CCDC124: variants seen among roughly 807,000 people sequenced by gnomAD.
CCDC124 encodes the protein coiled-coil domain containing 124.
CCDC124 carries 9 observed loss-of-function variants against 19.8 expected under a neutral mutation model. The ratio of observed to expected loss-of-function variants is 0.45; its 90% confidence interval spans 0.27 to 0.79. The LOEUF (loss-of-function observed/expected upper bound fraction) is 0.79, where lower values mean the gene tolerates loss of function less well. CCDC124 is among the 30% of genes least tolerant of loss of function. The pLI is 0.14. For synonymous variants in CCDC124, 126 were observed against 131.3 expected (o/e 0.96, Z 0.27); for missense variants, 285 against 319.0 (o/e 0.89, Z 0.81).
chr19:17,937,627 G>A lies in CCDC124; in HGVS notation c.159+1048G>A, dbSNP rs573881768. On this transcript the variant is annotated intron_variant, in intron 2 of 4. Coordinates refer to ENST00000445755, the MANE Select transcript of CCDC124 (RefSeq NM_001136203.2). The stretch of plus-strand genomic sequence containing the variant: ...ACAGGACGCCCCCACAGCAAAGAAT[G>A]AGCCAGCCCCAGATGTCAGCAGTGC... Among the ~76,000 whole-genome samples, 4 of 152,206 alleles carry A rather than the reference G, an allele frequency of 2.6e-5. No individual in the cohort carries two copies. In the South Asian group the frequency reaches 6.2e-4, roughly 24 times the overall value.
At chr19:17,937,974 C>A (rs749209124) in intron 2 of CCDC124, among the ~76,000 whole-genome samples, 37 of 152,286 alleles carry the variant, frequency 2.4e-4, no homozygotes, top group Admixed American at 1.0e-3. Flanking sequence ...CTCAGGTGAT[C>A]CGCCTGCCTT....
At position 17,943,241 on chromosome 19, in the gene CCDC124, T is replaced by TCGGGGGGGGCCCCC; in HGVS notation, c.350-19_350-18insGGGGGGGGCCCCCC. 20 of 736,678 alleles carry TCGGGGGGGGCCCCC rather than the reference T, an allele frequency of 2.7e-5. No individual in the cohort carries two copies. Among genetic ancestry groups the TCGGGGGGGGCCCCC allele is most frequent in the Non-Finnish European group, 4.3e-5 (18 of 414,970 alleles). The allele number at this position is 736,678 out of a possible 1,614,324, so 45.6% of individuals were successfully genotyped here. Reference sequence around the variant, plus strand: ...CTTTGCTTATCTCTCTCTGTCTCTGTCACCCACCCACCCGCCCAGCCGAGA... The same window carrying TCGGGGGGGGCCCCC: ...CTTTGCTTATCTCTCTCTGTCTCTGTCGGGGGGGGCCCCCCACCCACCCACCCGCCCAGCCGAGA... On this transcript the variant is annotated intron_variant, in intron 3 of 4. Transcript: ENST00000445755.
intron 3 of CCDC124, 85 bp from the exon 4 acceptor site, chr19:17,943,176 C>G (rs2031225829): frequency 8.7e-7 from 1 of 1,150,046 alleles, no homozygotes. Context: ...CCCCTAGCTT[C>G]TCTTGCCAGT....
chr19:17,939,874 C>T (rs187292734), intron 2 of CCDC124, among the ~76,000 whole-genome samples: 506 of 150,696 alleles, frequency 3.4e-3, no homozygotes, highest in Non-Finnish European at 5.0e-3. Context: ...CCTTCCACCT[C>T]GGCCTCCCAA....
At chr19:17,939,169 C>A (rs532675352) in intron 2 of CCDC124, among the ~76,000 whole-genome samples, 2 of 152,070 alleles carry the variant, frequency 1.3e-5, no homozygotes, top group South Asian at 2.1e-4. Context: ...CCGAGGCAGG[C>A]GGATCACCTG....
chr19:17,943,242 C>CTG lies in CCDC124; in HGVS notation c.350-19_350-18insTG, dbSNP rs2031228670. 9.4e-5 allele frequency: 69 copies of CTG among 734,352 alleles called. No homozygotes were observed. Among genetic ancestry groups the CTG allele is most frequent in the East Asian group, 1.4e-4 (5 of 36,904 alleles). 45.5% of individuals were successfully genotyped at this position (734,352 alleles called of 1,614,324 possible). A position where few individuals can be genotyped will look rare whatever the true frequency, so the allele number is the denominator to read the frequency against. On this transcript the variant is annotated intron_variant, in intron 3 of 4. Transcript: ENST00000445755. The stretch of plus-strand genomic sequence containing the variant: ...TTTGCTTATCTCTCTCTGTCTCTGT[C>CTG]ACCCACCCACCCGCCCAGCCGAGAA...
At chr19:17,935,447 G>A (rs1480785250) in intron 1 of CCDC124, among the ~76,000 whole-genome samples, 2 of 151,536 alleles carry the variant, frequency 1.3e-5, no homozygotes, top group African/African-American at 4.9e-5. Flanking sequence ...TTGAGATGGA[G>A]TCTCGCTCTG....
intron 2 of CCDC124, among the ~76,000 whole-genome samples, chr19:17,941,511 GAAAA>G (rs991648717): frequency 8.0e-6 from 1 of 125,180 alleles, no homozygotes; most frequent in Non-Finnish European, 1.7e-5. Flanking sequence ...GACTGTCTCA[GAAAA>G]AAAAAAAAAA....
rs572295605 is a variant in CCDC124 at position 17,942,293 on chromosome 19, C to T, written c.160-363C>T. On this transcript the variant is annotated intron_variant, in intron 2 of 4. Coordinates refer to ENST00000445755, the MANE Select transcript of CCDC124 (RefSeq NM_001136203.2). The surrounding 1 kb of genome is among the most constrained non-coding windows in gnomAD (Gnocchi z 4.2). ...CCGGCCTCTTCCCCCTCCCGCTTCA[C>T]TCCCACTCCAGCCTCCAAGCTGTTC... is the stretch of plus-strand genomic sequence containing the variant. Among the ~76,000 whole-genome samples the T allele has an allele frequency of 3.3e-3, 496 of 152,226 alleles. No homozygotes were observed. Among genetic ancestry groups the T allele is most frequent in the Non-Finnish European group, 4.9e-3 (334 of 68,004 alleles).
intron 2 of CCDC124, among the ~76,000 whole-genome samples, chr19:17,939,747 C>T (rs536579648): frequency 9.9e-5 from 15 of 151,994 alleles, no homozygotes; most frequent in East Asian, 9.7e-4. Context: ...CTCAGCCTCC[C>T]GAGTAGCTGG....
Position 17,936,617 on chromosome 19 carries a change from G to T in CCDC124, c.159+38G>T, listed in dbSNP as rs369127093. On this transcript the variant is annotated intron_variant, in intron 2 of 4. Transcript: ENST00000445755. The stretch of plus-strand genomic sequence containing the variant: ...CGAGTCCCCGCGGCCCGCATGCCTT[G>T]TGGCCAAGGCCAGTGGTCATTATGT... 2.6e-5 allele frequency: 42 copies of T among 1,589,542 alleles called. 1 individual carries two copies. In the Middle Eastern group the frequency reaches 5.0e-4, roughly 19 times the overall value.
rs945309906 is a variant in CCDC124, at chr19:17,936,574, C to T, written c.154C>T (p.Arg52Cys). The change falls in exon 2 of 5, where the codon CGC (arginine) becomes TGC (cysteine). Residue 52 changes from arginine to cysteine, a missense_variant. Transcript: ENST00000445755. ...CAAACACGTCATGAGGAAGGAGCAG[C>T]GCAAGGTGCGTGCACTCCGAGTCCC... is the stretch of plus-strand genomic sequence containing the variant. ...DDKHVMRKEQ[R>C]KEEKEKRRLD... 8.1e-6 allele frequency: 13 copies of T among 1,612,096 alleles called. No individual in the cohort carries two copies. In the Admixed American group the frequency reaches 8.4e-5, roughly 10 times the overall value.
intron 4 of CCDC124, 25 bp from the exon 5 acceptor site, chr19:17,943,483 C>A: frequency 1.2e-6 from 2 of 1,604,348 alleles, no homozygotes; most frequent in African/African-American, 2.7e-5. Context: ...GCCCAAGGCC[C>A]CCTGACGCTC....
intron 1 of CCDC124, among the ~76,000 whole-genome samples, chr19:17,934,582 T>C (rs1374635167): frequency 6.8e-6 from 1 of 146,864 alleles, no homozygotes; most frequent in Non-Finnish European, 1.5e-5. Flanking sequence ...GCCCAGGAGT[T>C]CAAGGCCAGC....
intron 1 of CCDC124, among the ~76,000 whole-genome samples, chr19:17,935,453 C>G (rs562302776): frequency 6.6e-6 from 1 of 151,636 alleles, no homozygotes; most frequent in South Asian, 2.1e-4. Context: ...TGGAGTCTCG[C>G]TCTGTCGCCT....
At chr19:17,939,850 T>C (rs12978072) in intron 2 of CCDC124, among the ~76,000 whole-genome samples, 1 of 151,046 alleles carries the variant, frequency 6.6e-6, no homozygotes, top group Non-Finnish European at 1.5e-5. Flanking sequence ...CTAAAACTCC[T>C]GGCCCCAAGT....
chr19:17,937,363 T>C (rs1476654911), intron 2 of CCDC124, among the ~76,000 whole-genome samples: 1 of 151,860 alleles, frequency 6.6e-6, no homozygotes, highest in African/African-American at 2.4e-5. Flanking sequence ...GGAAAGGCCC[T>C]GGGGTGGCAC....
In CCDC124 at chr19:17,942,739, C is replaced by G. The variant is rs575804409; in HGVS notation, c.243C>G (p.Leu81=). 1.6e-5 allele frequency: 25 copies of G among 1,550,076 alleles called. No individual in the cohort carries two copies. In the South Asian group the frequency reaches 3.0e-4, roughly 18 times the overall value. ...TACTGGAGGAGGAGGACTCCAAGCT[C>G]AAGGGCGGCAAGGCGCCGCGGGTGG... The part of the protein sequence containing the change: ...QRLLEEEDSK[L]KGGKAPRVAT... Residue 81 remains leucine, a synonymous_variant, in exon 3 of 5, where the codon CTC becomes CTG. Transcript: ENST00000445755. This position sits in a 1 kb window ranked among gnomAD's most constrained non-coding sequence, Gnocchi z 4.2.
Position 17,942,920 on chromosome 19 carries a change from C to T in CCDC124, c.349+75C>T, listed in dbSNP as rs1280004350. ...AGTGGACCTTGAGTCCATTAGCCCCCTCCTGGCCCCCAGAGAAGCTGCCGG... is the reference window on the plus strand; with the variant it reads ...AGTGGACCTTGAGTCCATTAGCCCCTTCCTGGCCCCCAGAGAAGCTGCCGG... On this transcript the variant is annotated intron_variant, in intron 3 of 4. Coordinates refer to ENST00000445755, the MANE Select transcript of CCDC124 (RefSeq NM_001136203.2). This position sits in a 1 kb window ranked among gnomAD's most constrained non-coding sequence, Gnocchi z 4.2. 2 of 1,437,080 alleles carry T rather than the reference C, an allele frequency of 1.4e-6. No homozygotes were observed. Among genetic ancestry groups the T allele is most frequent in the African/African-American group, 1.4e-5 (1 of 69,396 alleles). 89.0% of individuals were successfully genotyped at this position (1,437,080 alleles called of 1,614,324 possible).
Sources: gnomAD v4.1 joint callset for allele counts (sites outside exome capture counted in the v4.1 genomes callset) on GRCh38, gnomAD v4.1.1 for gene constraint, Gnocchi (gnomAD v3.1) non-coding constraint, MANE v1.5 for transcripts, NCBI Gene and HGNC (gene_info 2026-07-23, HGNC 2026-07-21) for gene names.